SRGAP2C: variants seen among roughly 807,000 people sequenced by gnomAD.
SRGAP2C encodes SLIT-ROBO Rho GTPase activating protein 2C, also known as SLIT-ROBO Rho GTPase-activating protein 2C.
In SRGAP2C, 15 loss-of-function variants were observed where a neutral mutation model predicts 25.1. The observed-to-expected ratio is 0.60, with a 90% CI of 0.40 to 0.92. SRGAP2C has a LOEUF of 0.92. Ranked by LOEUF, SRGAP2C falls within the 40% of genes least tolerant of loss-of-function variation. The pLI is 0.00. For missense variants in SRGAP2C, 144 were observed against 264.4 expected, an observed-to-expected ratio of 0.54 and a Z score of 3.16; for synonymous variants, 44 against 96.6, an observed-to-expected ratio of 0.46 and a Z score of 3.19.
At chr1:121,370,575 G>A (rs1193752763) in intron 5 of SRGAP2C, among the ~76,000 whole-genome samples, 3 of 148,564 alleles carry the variant, frequency 2.0e-5, no homozygotes, top group Non-Finnish European at 3.0e-5. Context: ...CCGAGTAGCT[G>A]GGACTACAGG....
At chr1:121,338,974 G>C (rs1164533699) in intron 4 of SRGAP2C, among the ~76,000 whole-genome samples, 3 of 149,920 alleles carry the variant, frequency 2.0e-5, no homozygotes, top group African/African-American at 7.4e-5. Flanking sequence ...GATATTGTGG[G>C]TAAAAACATA....
chr1:121,192,419 A>G (rs1246189554), intron 2 of SRGAP2C, among the ~76,000 whole-genome samples: 3 of 151,612 alleles, frequency 2.0e-5, no homozygotes, highest in Non-Finnish European at 4.4e-5. Flanking sequence ...AGTAAGGTGA[A>G]CTCCTGGAAG....
intron 4 of SRGAP2C, among the ~76,000 whole-genome samples, chr1:121,335,668 G>A (rs1415476635): frequency 2.7e-5 from 4 of 150,744 alleles, no homozygotes; most frequent in Admixed American, 1.3e-4. Flanking sequence ...TCCCAGGCTA[G>A]GCTTGAACTC....
intron 4 of SRGAP2C, among the ~76,000 whole-genome samples, chr1:121,349,269 AAAG>A (rs1658842274): frequency 6.6e-6 from 1 of 150,956 alleles, no homozygotes; most frequent in Non-Finnish European, 1.5e-5. Flanking sequence ...GGAGGAATGA[AAAG>A]AAGGAGACAG....
chr1:121,212,154 G>A (rs1254496703), intron 2 of SRGAP2C, among the ~76,000 whole-genome samples: 4 of 116,728 alleles, frequency 3.4e-5, no homozygotes, highest in South Asian at 3.1e-4. Flanking sequence ...TTTTTGAGAC[G>A]GAGTCTCGCT....
intron 3 of SRGAP2C, among the ~76,000 whole-genome samples, chr1:121,286,597 C>G (rs1657372710): frequency 6.6e-6 from 1 of 152,158 alleles, no homozygotes; most frequent in Admixed American, 6.6e-5. Flanking sequence ...TTCTCAGTGT[C>G]AGCATCATCT....
intron 3 of SRGAP2C, among the ~76,000 whole-genome samples, chr1:121,287,548 T>A (rs1435079685): frequency 6.6e-6 from 1 of 151,634 alleles, no homozygotes; most frequent in East Asian, 1.9e-4. Context: ...AAATTTAAAA[T>A]AGCATTTGAT....
intron 5 of SRGAP2C, among the ~76,000 whole-genome samples, chr1:121,368,595 G>T (rs1401386854): frequency 6.6e-6 from 1 of 151,916 alleles, no homozygotes; most frequent in Admixed American, 6.6e-5. Flanking sequence ...AGGTTAAAAA[G>T]GGTTAATTGG....
In SRGAP2C at chr1:121,336,093, G is replaced by A. The variant is rs1238263156; in HGVS notation, c.423+11453G>A. On this transcript the variant is annotated intron_variant, in intron 4 of 9. Transcript: ENST00000367123. ...GGGGTTTCCATGGGAAACCCAAGAT[G>A]TTTATCAAGCCCCTCTAACTAGGCA... Among the ~76,000 whole-genome samples the A allele has an allele frequency of 3.9e-5, 6 of 152,156 alleles. No homozygotes were observed. The East Asian group carries it at 9.7e-4, about 25-fold the overall frequency.
intron 2 of SRGAP2C, among the ~76,000 whole-genome samples, chr1:121,224,059 G>A (rs189462911): frequency 3.3e-5 from 5 of 152,336 alleles, no homozygotes; most frequent in Admixed American, 3.3e-4. Context: ...CTATGTGCAA[G>A]AGCTGTGCTG....
intron 2 of SRGAP2C, among the ~76,000 whole-genome samples, chr1:121,281,255 C>T (rs1255465281): frequency 6.6e-6 from 1 of 151,338 alleles, no homozygotes; most frequent in Non-Finnish European, 1.5e-5. Flanking sequence ...TTAGAATTTC[C>T]CTTAATGCCT....
At chr1:121,291,596 GA>G (rs1657492122) in intron 3 of SRGAP2C, among the ~76,000 whole-genome samples, 1 of 149,070 alleles carries the variant, frequency 6.7e-6, no homozygotes, top group East Asian at 2.0e-4. Flanking sequence ...TGAAGAGAGA[GA>G]GAATAGTTTT....
rs1345255571 is a variant in SRGAP2C, at chr1:121,390,340, ACTAC to A, written c.*2488_*2491del. 3.5e-5 allele frequency: 2 copies of A among 56,882 alleles called. No homozygotes were observed. The highest frequency in any genetic ancestry group is 6.8e-5 in the African/African-American group (1 of 14,726). The allele number at this position is 56,882 out of a possible 1,614,324, so 3.5% of individuals were successfully genotyped here. On this transcript the variant is annotated 3_prime_UTR_variant, in exon 10 of 10. Transcript: ENST00000367123. ...TGGGATACCCACATTAAGCAGGGTG[ACTAC>A]CTGTTTACCATACAACCCACACAAA... is the stretch of plus-strand genomic sequence containing the variant.
intron 4 of SRGAP2C, among the ~76,000 whole-genome samples, chr1:121,350,592 T>C (rs1553345459): frequency 2.6e-5 from 4 of 151,414 alleles, no homozygotes; most frequent in African/African-American, 9.8e-5. Flanking sequence ...TAAAAAAAAA[T>C]AACTCAAAAT....
At chr1:121,358,431 AG>A (rs1558127048) in intron 4 of SRGAP2C, among the ~76,000 whole-genome samples, 2 of 127,066 alleles carry the variant, frequency 1.6e-5, no homozygotes, top group Non-Finnish European at 3.3e-5. Context: ...ATAATTAAAC[AG>A]GAATCAAATT....
At chr1:121,310,447 T>C (rs1237199248) in intron 3 of SRGAP2C, among the ~76,000 whole-genome samples, 1 of 134,968 alleles carries the variant, frequency 7.4e-6, no homozygotes, top group East Asian at 2.2e-4. Context: ...CATTTGTCAA[T>C]TTTGGCTTTT....
chr1:121,239,210 A>AC (rs1462840520), intron 2 of SRGAP2C, among the ~76,000 whole-genome samples: 1 of 3,354 alleles, frequency 3.0e-4, no homozygotes, highest in African/African-American at 2.6e-3. Flanking sequence ...ATATATATAT[A>AC]TATATATATA....
intron 2 of SRGAP2C, among the ~76,000 whole-genome samples, chr1:121,192,667 G>C: frequency 6.6e-6 from 1 of 151,528 alleles, no homozygotes; most frequent in East Asian, 2.0e-4. Flanking sequence ...CATCCGTTAT[G>C]TATCATGCAG....
chr1:121,201,775 TTGAG>T (rs1339314908), intron 2 of SRGAP2C, among the ~76,000 whole-genome samples: 2 of 152,228 alleles, frequency 1.3e-5, no homozygotes, highest in African/African-American at 2.4e-5. Flanking sequence ...TGATATGTAA[TTGAG>T]TAAGAATTTG....
Sources: allele counts gnomAD v4.1 joint callset (sites outside exome capture counted in the v4.1 genomes callset), GRCh38; gene constraint gnomAD v4.1.1; transcripts MANE v1.5; gene names NCBI Gene and HGNC (gene_info 2026-07-23, HGNC 2026-07-21).